Variants in HDAC4 observed in about 807,000 individuals in gnomAD.
HDAC4 encodes histone deacetylase 4, also known as histone deacetylase A.
In HDAC4, 16 loss-of-function variants were observed where a neutral mutation model predicts 135.1. The observed-to-expected ratio is 0.12, with a 90% CI of 0.08 to 0.18. HDAC4 has a LOEUF of 0.18. HDAC4 is among the 10% of genes least tolerant of loss of function. HDAC4 has a pLI of 1.00. For synonymous variants in HDAC4, 685 were observed against 653.4 expected (o/e 1.05, Z -0.74); for missense variants, 1,143 against 1,511.8 (o/e 0.76, Z 4.05).
intron 3 of HDAC4, among the ~76,000 whole-genome samples, chr2:239,207,368 T>A (rs930842139): frequency 6.6e-6 from 1 of 152,054 alleles, no homozygotes; most frequent in African/African-American, 2.4e-5. Flanking sequence ...AGAAAACAGA[T>A]GAAAGCAGAT....
chr2:239,392,031 A>T (rs187276528), intron 1 of HDAC4, among the ~76,000 whole-genome samples: 1 of 152,266 alleles, frequency 6.6e-6, no homozygotes, highest in East Asian at 1.9e-4. Context: ...CAACATCCCC[A>T]CCAGCTTGGG....
At chr2:239,154,321 A>G (rs1003102410) in intron 7 of HDAC4, among the ~76,000 whole-genome samples, 7 of 151,962 alleles carry the variant, frequency 4.6e-5, no homozygotes, top group Non-Finnish European at 8.8e-5. Flanking sequence ...CCAGGACAAG[A>G]GGAGACTCTG....
intron 1 of HDAC4, among the ~76,000 whole-genome samples, chr2:239,379,598 C>T (rs1275088082): frequency 6.6e-6 from 1 of 152,164 alleles, no homozygotes; most frequent in Non-Finnish European, 1.5e-5. Context: ...CGGCTCCTGG[C>T]AGGGCCTCCC....
intron 22 of HDAC4, among the ~76,000 whole-genome samples, chr2:239,079,344 A>AG (rs1443836063): frequency 3.9e-5 from 6 of 152,352 alleles, no homozygotes; most frequent in Admixed American, 1.3e-4. Flanking sequence ...GGGCAGGTCC[A>AG]CTGAGGAGCA....
intron 17 of HDAC4, among the ~76,000 whole-genome samples, chr2:239,090,986 G>T (rs1028095563): frequency 7.2e-5 from 11 of 152,252 alleles, no homozygotes; most frequent in Non-Finnish European, 1.5e-4. Context: ...CCGTGTGGGC[G>T]GGTGAGGAGA....
rs2052149382 is a variant in HDAC4 at position 239,299,910 on chromosome 2, T to A, written c.22+52768A>T. Among the ~76,000 whole-genome samples the A allele has an allele frequency of 6.6e-6, 1 of 152,102 alleles. No homozygotes were observed. Among genetic ancestry groups the A allele is most frequent in the African/African-American group, 2.4e-5 (1 of 41,418 alleles). On this transcript the variant is annotated intron_variant, in intron 2 of 26. Transcript: ENST00000543185. This position sits in a 1 kb window ranked among gnomAD's most constrained non-coding sequence, Gnocchi z 4.0. ...GATGGGAGACCGGCAGTCCTGGGGC[T>A]CGGGAGACAGGGGAGACAGAGAAGG...
intron 2 of HDAC4, among the ~76,000 whole-genome samples, chr2:239,257,327 C>T (rs995966038): frequency 1.3e-4 from 20 of 151,690 alleles, no homozygotes; most frequent in African/African-American, 4.3e-4. Context: ...AATATAAACA[C>T]ATCTTCTTGA....
intron 2 of HDAC4, among the ~76,000 whole-genome samples, chr2:239,253,410 A>G (rs1452271646): frequency 6.6e-6 from 1 of 152,236 alleles, no homozygotes; most frequent in African/African-American, 2.4e-5. Flanking sequence ...AAGAAGGGCT[A>G]GCCTTTTAAC....
intron 1 of HDAC4, among the ~76,000 whole-genome samples, chr2:239,365,731 G>A (rs962857461): frequency 6.6e-5 from 10 of 152,102 alleles, no homozygotes; most frequent in African/African-American, 2.4e-4. Flanking sequence ...CACAGACCAG[G>A]GTCGTCAGGG....
chr2:239,296,249 G>A (rs759943487), intron 2 of HDAC4, among the ~76,000 whole-genome samples: 4 of 152,194 alleles, frequency 2.6e-5, no homozygotes, highest in Admixed American at 1.3e-4. Flanking sequence ...ACACATGCAC[G>A]CACACAGAGG....
intron 7 of HDAC4, among the ~76,000 whole-genome samples, chr2:239,148,202 A>C (rs1480935711): frequency 6.6e-6 from 1 of 152,228 alleles, no homozygotes; most frequent in Admixed American, 6.5e-5. Context: ...CTGAAATCCT[A>C]AAGTGACACC....
intron 22 of HDAC4, among the ~76,000 whole-genome samples, chr2:239,073,360 CA>C (rs1310012767): frequency 1.3e-5 from 2 of 152,246 alleles, no homozygotes; most frequent in African/African-American, 2.4e-5. Flanking sequence ...TGAATCTAGA[CA>C]GGGGCAGCGA....
At chr2:239,334,317 C>T (rs576270019) in intron 2 of HDAC4, among the ~76,000 whole-genome samples, 13 of 151,632 alleles carry the variant, frequency 8.6e-5, no homozygotes, top group South Asian at 8.4e-4. Flanking sequence ...GTCAGGAGTT[C>T]GAGACCAGCC....
intron 3 of HDAC4, among the ~76,000 whole-genome samples, chr2:239,216,343 C>T (rs1460601961): frequency 1.3e-5 from 2 of 151,822 alleles, no homozygotes; most frequent in Non-Finnish European, 2.9e-5. Flanking sequence ...AAAAAGTCTC[C>T]AAAAAACCTT....
At chr2:239,067,178 C>T (rs2033616524) in intron 23 of HDAC4, among the ~76,000 whole-genome samples, 1 of 152,244 alleles carries the variant, frequency 6.6e-6, no homozygotes, top group South Asian at 2.1e-4. Context: ...TATGGCCATG[C>T]TCTTGTGGCC....
chr2:239,380,203 C>A lies in HDAC4; in HGVS notation c.-220+20775G>T, dbSNP rs75466337. ...CTGGACCAGAGGAATAAGAAGAAATCCCACTGCGGAATGCGCGAGCTCTGC... is the reference window on the plus strand; with the variant it reads ...CTGGACCAGAGGAATAAGAAGAAATACCACTGCGGAATGCGCGAGCTCTGC... On this transcript the variant is annotated intron_variant, in intron 1 of 26. Coordinates refer to ENST00000543185, the MANE Select transcript of HDAC4 (RefSeq NM_001378414.1). Among the ~76,000 whole-genome samples the A allele has an allele frequency of 5.8e-3, 879 of 152,342 alleles. 10 individuals carry two copies. Among genetic ancestry groups the A allele is most frequent in the African/African-American group, 0.02 (841 of 41,570 alleles).
chr2:239,126,135 T>A (rs1403307731), intron 12 of HDAC4, among the ~76,000 whole-genome samples: 9 of 152,242 alleles, frequency 5.9e-5, no homozygotes. Context: ...CAGGACGTGG[T>A]CCAGTGGAAC....
intron 1 of HDAC4, among the ~76,000 whole-genome samples, chr2:239,399,424 C>T (rs956421173): frequency 2.6e-5 from 4 of 152,314 alleles, no homozygotes; most frequent in African/African-American, 4.8e-5. Context: ...TCCCCAGCCA[C>T]CACCACCACC....
At chr2:239,222,599 A>G (rs1466152481) in intron 3 of HDAC4, among the ~76,000 whole-genome samples, 3 of 152,006 alleles carry the variant, frequency 2.0e-5, no homozygotes, top group Non-Finnish European at 2.9e-5. Context: ...GCAGCCATGA[A>G]AGACAAGCAT....
Sources: gnomAD v4.1 joint callset for allele counts (sites outside exome capture counted in the v4.1 genomes callset) on GRCh38, gnomAD v4.1.1 for gene constraint, Gnocchi (gnomAD v3.1) non-coding constraint, MANE v1.5 for transcripts, NCBI Gene and HGNC (gene_info 2026-07-23, HGNC 2026-07-21) for gene names.